Variants in EPHA3 observed in about 807,000 individuals in gnomAD.
EPHA3 encodes the protein ephrin type-A receptor 3.
A neutral mutation model predicts 107.1 loss-of-function variants in EPHA3; 42 were observed. The observed-to-expected ratio is 0.39, with a 90% CI of 0.31 to 0.51. The LOEUF (loss-of-function observed/expected upper bound fraction) is 0.51. Among genes scored for constraint, EPHA3 ranks in the 20% least tolerant of loss-of-function variants. EPHA3 has a pLI of 0.78. For synonymous variants in EPHA3, 461 were observed against 424.8 expected (o/e 1.09, Z -1.05); for missense variants, 1,183 against 1,211.2 (o/e 0.98, Z 0.35).
chr3:89,335,153 GT>G lies in EPHA3; in HGVS notation c.815-5761del, dbSNP rs1707367441. ...TGCTATATCAAAATACCATAAGCTGGTTAGTTTATAAACAATGGAAATTTAT... is the reference window on the plus strand; with the variant it reads ...TGCTATATCAAAATACCATAAGCTGGTAGTTTATAAACAATGGAAATTTAT... On this transcript the variant is annotated intron_variant, in intron 3 of 16. Coordinates refer to ENST00000336596, the MANE Select transcript of EPHA3 (RefSeq NM_005233.6). 2.6e-5 allele frequency among the ~76,000 whole-genome samples: 4 copies of G among 152,216 alleles called. No individual in the cohort carries two copies. In the East Asian group the frequency reaches 7.7e-4, roughly 29 times the overall value.
chr3:89,343,410 A>C (rs1191440600), intron 5 of EPHA3, among the ~76,000 whole-genome samples: 1 of 152,112 alleles, frequency 6.6e-6, no homozygotes. Context: ...CTACTGGTTA[A>C]TTTCTCAAAT....
At chr3:89,191,390 T>C (rs1261661249) in intron 2 of EPHA3, among the ~76,000 whole-genome samples, 2 of 152,066 alleles carry the variant, frequency 1.3e-5, no homozygotes, top group Non-Finnish European at 1.5e-5. Flanking sequence ...CACTGCAAGC[T>C]CCGCTTCCTG....
intron 3 of EPHA3, among the ~76,000 whole-genome samples, chr3:89,236,265 G>A (rs1025627379): frequency 6.6e-6 from 1 of 151,178 alleles, no homozygotes; most frequent in African/African-American, 2.4e-5. Context: ...TGTTTAGCAA[G>A]GTATATTTTC....
chr3:89,212,031 C>T (rs991645205), intron 3 of EPHA3, among the ~76,000 whole-genome samples: 30 of 151,552 alleles, frequency 2.0e-4, no homozygotes, highest in African/African-American at 7.3e-4. Context: ...GTACTTATTA[C>T]AATAAATTTG....
At chr3:89,142,906 G>A (rs1309881003) in intron 2 of EPHA3, among the ~76,000 whole-genome samples, 1 of 151,310 alleles carries the variant, frequency 6.6e-6, no homozygotes, top group East Asian at 1.9e-4. Context: ...TGAAGATTAT[G>A]TTCAAAAAAT....
intron 2 of EPHA3, among the ~76,000 whole-genome samples, chr3:89,176,594 G>T (rs1659978331): frequency 2.7e-5 from 4 of 150,636 alleles, no homozygotes; most frequent in Admixed American, 6.6e-5. Flanking sequence ...AATTTCTCTT[G>T]CAGAATGAGA....
chr3:89,399,023 A>G (rs1708903181), intron 6 of EPHA3, among the ~76,000 whole-genome samples: 1 of 151,952 alleles, frequency 6.6e-6, no homozygotes, highest in Non-Finnish European at 1.5e-5. Context: ...CCAGCTACTC[A>G]GGAGGCTGAG....
chr3:89,253,442 A>AT (rs1057131717), intron 3 of EPHA3, among the ~76,000 whole-genome samples: 15 of 152,150 alleles, frequency 9.9e-5, no homozygotes, highest in African/African-American at 3.6e-4. Flanking sequence ...TCTCAAAAAC[A>AT]TACATGGCTT....
intron 2 of EPHA3, among the ~76,000 whole-genome samples, chr3:89,203,202 T>C (rs1706013398): frequency 6.6e-6 from 1 of 151,698 alleles, no homozygotes; most frequent in African/African-American, 2.4e-5. Flanking sequence ...GTTCTCAGTG[T>C]TGGGGGTTAG....
At chr3:89,436,555 A>G (rs1323930410) in intron 13 of EPHA3, among the ~76,000 whole-genome samples, 3 of 152,224 alleles carry the variant, frequency 2.0e-5, no homozygotes, top group Admixed American at 1.3e-4. Flanking sequence ...ATGTCAGTGG[A>G]AAAGAATACT....
intron 2 of EPHA3, among the ~76,000 whole-genome samples, chr3:89,128,312 A>G (rs1446525450): frequency 6.6e-6 from 1 of 152,092 alleles, no homozygotes; most frequent in East Asian, 1.9e-4. Context: ...TGACTTTGAC[A>G]ATATGCCAAA....
At chr3:89,128,124 C>T (rs988922635) in intron 2 of EPHA3, among the ~76,000 whole-genome samples, 22 of 152,048 alleles carry the variant, frequency 1.4e-4, no homozygotes, top group African/African-American at 2.9e-4. Context: ...CTATGATAGT[C>T]GTCTTTTCAA....
chr3:89,207,383 T>C (rs1184951880), intron 2 of EPHA3, among the ~76,000 whole-genome samples: 1 of 152,206 alleles, frequency 6.6e-6, no homozygotes, highest in Non-Finnish European at 1.5e-5. Context: ...TTGTGTACTA[T>C]GCTCACAACC....
chr3:89,294,325 C>T (rs577932323), intron 3 of EPHA3, among the ~76,000 whole-genome samples: 6 of 152,256 alleles, frequency 3.9e-5, no homozygotes, highest in Admixed American at 2.6e-4. Context: ...ATTACCTTTG[C>T]ACTTTTGGAG....
In EPHA3 at chr3:89,479,550, C is replaced by T. The variant is rs745738907; in HGVS notation, c.*48C>T. The stretch of plus-strand genomic sequence containing the variant: ...GGACGGAAGTGGTGGCTGTGGAAGG[C>T]GTAGCATCATCCTGCAGACAGACAA... On this transcript the variant is annotated 3_prime_UTR_variant, in exon 17 of 17. Transcript: ENST00000336596. 6 of 1,415,044 alleles carry T rather than the reference C, an allele frequency of 4.2e-6. No individual in the cohort carries two copies. Among genetic ancestry groups the T allele is most frequent in the South Asian group, 1.2e-5 (1 of 86,374 alleles). 87.7% of individuals were successfully genotyped at this position (1,415,044 alleles called of 1,614,324 possible). A position where few individuals can be genotyped will look rare whatever the true frequency, so the allele number is the denominator to read the frequency against.
chr3:89,208,073 C>T (rs542116241), intron 2 of EPHA3, among the ~76,000 whole-genome samples: 9 of 151,940 alleles, frequency 5.9e-5, no homozygotes, highest in East Asian at 5.8e-4. Flanking sequence ...GGGGTTATAC[C>T]GTAAGAAAGG....
At chr3:89,285,724 T>C (rs968735208) in intron 3 of EPHA3, among the ~76,000 whole-genome samples, 1 of 152,204 alleles carries the variant, frequency 6.6e-6, no homozygotes, top group African/African-American at 2.4e-5. Flanking sequence ...TGTTGCTCAA[T>C]GCACAGAAAG....
chr3:89,132,832 G>A (rs1704234065), intron 2 of EPHA3, among the ~76,000 whole-genome samples: 1 of 152,186 alleles, frequency 6.6e-6, no homozygotes, highest in Non-Finnish European at 1.5e-5. Flanking sequence ...CCAGGCTGCA[G>A]TGGGGTACGA....
chr3:89,291,222 T>G lies in EPHA3; in HGVS notation c.815-49694T>G, dbSNP rs116739832. 5.7e-3 allele frequency among the ~76,000 whole-genome samples: 870 copies of G among 152,312 alleles called. 10 individuals carry two copies. Among genetic ancestry groups the G allele is most frequent in the Non-Finnish European group, 7.7e-3 (522 of 68,036 alleles). Reference sequence around the variant, plus strand: ...TATATATTATGGGGTTGGTCTAGTTTATCTTTGGAGTTCCTCCAACTTCTC... The same window carrying G: ...TATATATTATGGGGTTGGTCTAGTTGATCTTTGGAGTTCCTCCAACTTCTC... On this transcript the variant is annotated intron_variant, in intron 3 of 16. Coordinates refer to ENST00000336596, the MANE Select transcript of EPHA3 (RefSeq NM_005233.6).
Sources: gnomAD v4.1 joint callset for allele counts (sites outside exome capture counted in the v4.1 genomes callset) on GRCh38, gnomAD v4.1.1 for gene constraint, MANE v1.5 for transcripts, NCBI Gene and HGNC (gene_info 2026-07-23, HGNC 2026-07-21) for gene names.